EML4: variants seen among roughly 807,000 people sequenced by gnomAD.
The protein encoded by EML4 is echinoderm microtubule-associated protein-like 4.
EML4 carries 72 observed loss-of-function variants against 129.0 expected under a neutral mutation model. The ratio of observed to expected loss-of-function variants is 0.56; its 90% confidence interval spans 0.46 to 0.68. The LOEUF (loss-of-function observed/expected upper bound fraction) is 0.68, where lower values mean the gene tolerates loss of function less well. Ranked by LOEUF, EML4 falls within the 30% of genes least tolerant of loss-of-function variation. EML4 has a pLI of 0.00. For synonymous variants in EML4, 532 were observed against 405.0 expected (o/e 1.31, Z -3.77); for missense variants, 1,363 against 1,190.6 (o/e 1.14, Z -2.13).
chr2:42,288,104 G>A (rs998264813), intron 10 of EML4, 123 bp from the exon 11 acceptor site: 1 of 450,790 alleles, frequency 2.2e-6, no homozygotes. Flanking sequence ...GTTTCAGAGA[G>A]CGATGAGTTT....
intron 20 of EML4, 56 bp downstream of exon 20, chr2:42,325,610 A>ATATATATATGCTATGAT: frequency 1.1e-4 from 5 of 47,420 alleles, no homozygotes; most frequent in Non-Finnish European, 1.7e-4. Flanking sequence ...ATTTATATAT[A>ATATATATATGCTATGAT]TATATATATA....
At chr2:42,199,135 G>T (rs1329885550) in intron 1 of EML4, among the ~76,000 whole-genome samples, 3 of 152,184 alleles carry the variant, frequency 2.0e-5, no homozygotes, top group African/African-American at 7.2e-5. Context: ...GTGTGATGGG[G>T]AATAGGAGTG....
chr2:42,192,111 G>GAAAAAA (rs1671618952), intron 1 of EML4, among the ~76,000 whole-genome samples: 1 of 132,094 alleles, frequency 7.6e-6, no homozygotes. Context: ...GCAATAAGAG[G>GAAAAAA]GAAACTGTCT....
intron 1 of EML4, among the ~76,000 whole-genome samples, chr2:42,223,711 G>T (rs1376095775): frequency 6.6e-6 from 1 of 152,042 alleles, no homozygotes; most frequent in Non-Finnish European, 1.5e-5. Context: ...GATACTGTAA[G>T]AAACATCTTT....
chr2:42,260,171 ATTTG>A (rs1312016898), intron 3 of EML4, among the ~76,000 whole-genome samples: 2 of 147,768 alleles, frequency 1.4e-5, no homozygotes, highest in African/African-American at 2.5e-5. Flanking sequence ...GGGCTCTGTG[ATTTG>A]TTTGTTTTTT....
chr2:42,241,408 A>C (rs952375548), intron 1 of EML4, among the ~76,000 whole-genome samples: 1 of 152,172 alleles, frequency 6.6e-6, no homozygotes, highest in African/African-American at 2.4e-5. Flanking sequence ...AGGGAACTTG[A>C]GAGTGAAAGA....
intron 12 of EML4, 40 bp from the exon 13 acceptor site, chr2:42,295,341 G>A (rs1667881796): frequency 5.6e-6 from 9 of 1,605,264 alleles, no homozygotes; most frequent in Non-Finnish European, 6.8e-6. Context: ...AAGTTGTCAT[G>A]GCAAAAAGAA....
intron 1 of EML4, among the ~76,000 whole-genome samples, chr2:42,235,010 A>G (rs1674573311): frequency 6.6e-6 from 1 of 151,966 alleles, no homozygotes; most frequent in Non-Finnish European, 1.5e-5. Flanking sequence ...TACAAAAATT[A>G]GCGGGTCAGG....
intron 1 of EML4, among the ~76,000 whole-genome samples, chr2:42,172,934 T>A (rs903583743): frequency 6.6e-6 from 1 of 152,204 alleles, no homozygotes; most frequent in East Asian, 1.9e-4. Context: ...TTAGTCTGTT[T>A]TCACTTGAAA....
intron 1 of EML4, among the ~76,000 whole-genome samples, chr2:42,218,291 G>C (rs1379147770): frequency 1.3e-5 from 2 of 151,976 alleles, no homozygotes; most frequent in Non-Finnish European, 2.9e-5. Flanking sequence ...ATCACTTCCA[G>C]ATGGGACCAT....
chr2:42,169,662 T>C, intron 1 of EML4, 26 bp downstream of exon 1: 1 of 1,599,358 alleles, frequency 6.3e-7, no homozygotes, highest in Non-Finnish European at 8.5e-7. Flanking sequence ...GAGTCCTGCG[T>C]CTTCTGCGAA....
At chr2:42,309,901 T>G (rs1200994364) in intron 17 of EML4, among the ~76,000 whole-genome samples, 1 of 152,214 alleles carries the variant, frequency 6.6e-6, no homozygotes, top group Non-Finnish European at 1.5e-5. Flanking sequence ...ATCTGTTCTT[T>G]CTCTTGTTTC....
intron 1 of EML4, among the ~76,000 whole-genome samples, chr2:42,176,202 G>T (rs953453481): frequency 6.6e-6 from 1 of 151,934 alleles, no homozygotes; most frequent in Admixed American, 6.6e-5. Flanking sequence ...TGCCATTTTT[G>T]CCTAGGGCAT....
intron 1 of EML4, among the ~76,000 whole-genome samples, chr2:42,200,182 G>A (rs1672139599): frequency 6.7e-6 from 1 of 149,500 alleles, no homozygotes; most frequent in Non-Finnish European, 1.5e-5. Context: ...AAAATTAGCT[G>A]GACATGGTGG....
At chr2:42,284,930 T>C (rs1667204819) in intron 9 of EML4, among the ~76,000 whole-genome samples, 1 of 152,202 alleles carries the variant, frequency 6.6e-6, no homozygotes, top group African/African-American at 2.4e-5. Context: ...CTTAAGAAGC[T>C]ATTTACTGTA....
At chr2:42,277,572 T>TC (rs1472302623) in intron 6 of EML4, among the ~76,000 whole-genome samples, 3 of 146,044 alleles carry the variant, frequency 2.1e-5, no homozygotes, top group Non-Finnish European at 3.0e-5. Flanking sequence ...AGCACAACCT[T>TC]TTTTTTTTTT....
At chr2:42,276,390 G>T (rs535775467) in intron 6 of EML4, among the ~76,000 whole-genome samples, 1 of 152,180 alleles carries the variant, frequency 6.6e-6, no homozygotes, top group South Asian at 2.1e-4. Flanking sequence ...CGAATACAGT[G>T]TCCCCACCCT....
At chr2:42,208,064 C>T (rs186177542) in intron 1 of EML4, 1 of 152,308 alleles carries the variant, frequency 6.6e-6, no homozygotes, top group African/African-American at 2.4e-5. Flanking sequence ...TTCAATTTCA[C>T]CTCTTCTTTG....
At position 42,304,565 on chromosome 2, in the gene EML4, G is replaced by A. The variant is rs2103733480; in HGVS notation, c.1967+14G>A. 1.3e-6 allele frequency: 2 copies of A among 1,599,274 alleles called. No homozygotes were observed. The highest frequency in any genetic ancestry group is 2.2e-5 in the East Asian group (1 of 44,794). On this transcript the variant is annotated intron_variant, in intron 17 of 22. Coordinates refer to ENST00000318522, the MANE Select transcript of EML4 (RefSeq NM_019063.5). ...GCACTCAGGCAGGTAGGGTCTTTAA[G>A]TGAACTGAGTAATCTGAAGTGGTGG...
Sources: allele counts gnomAD v4.1 joint callset (sites outside exome capture counted in the v4.1 genomes callset), GRCh38; gene constraint gnomAD v4.1.1; transcripts MANE v1.5; gene names NCBI Gene and HGNC (gene_info 2026-07-23, HGNC 2026-07-21).